CCDC88C: variants seen among roughly 807,000 people sequenced by gnomAD.
The protein encoded by CCDC88C is protein Daple.
In CCDC88C, 131 loss-of-function variants were observed where a neutral mutation model predicts 198.8. The observed-to-expected ratio is 0.66, with a 90% CI of 0.57 to 0.76. CCDC88C has a LOEUF of 0.76. Among genes scored for constraint, CCDC88C ranks in the 30% least tolerant of loss-of-function variants. CCDC88C has a pLI of 0.00. For synonymous variants in CCDC88C, 1,166 were observed against 1,114.7 expected (o/e 1.05, Z -0.92); for missense variants, 2,553 against 2,631.6 (o/e 0.97, Z 0.65).
At chr14:91,400,988 G>A (rs965312084) in intron 3 of CCDC88C, among the ~76,000 whole-genome samples, 2 of 151,790 alleles carry the variant, frequency 1.3e-5, no homozygotes, top group Non-Finnish European at 1.5e-5. Context: ...ACGATAAAAT[G>A]TTACACAGAC....
chr14:91,315,682 T>C lies in CCDC88C; in HGVS notation c.1633A>G (p.Met545Val). 1 of 1,613,936 alleles carries C rather than the reference T, an allele frequency of 6.2e-7. No homozygotes were observed. Among genetic ancestry groups the C allele is most frequent in the Middle Eastern group, 1.6e-4 (1 of 6,062 alleles). ...IREKEQLQSD[M>V]ETLKADKARQ... The stretch of plus-strand genomic sequence containing the variant: ...GCTTTGTCAGCCTTCAGGGTCTCCA[T>C]GTCACTCTGCAGCTGCTCCTTCTCT... Residue 545 changes from methionine (M) to valine (V), a missense_variant, in exon 14 of 30, where the codon ATG becomes GTG. By Grantham distance (21) the Met-to-Val change is conservative. This residue lies in a region of CCDC88C where 1,260 missense variants were observed against 1,412.0 expected (regional missense o/e 0.89). Coordinates refer to ENST00000389857, the MANE Select transcript of CCDC88C (RefSeq NM_001080414.4).
intron 4 of CCDC88C, among the ~76,000 whole-genome samples, chr14:91,355,136 T>G (rs1361144966): frequency 6.6e-6 from 1 of 151,454 alleles, no homozygotes; most frequent in Non-Finnish European, 1.5e-5. Flanking sequence ...GGGGCAGAGG[T>G]GAGGACACTG....
Position 91,293,480 on chromosome 14 carries a change from GCTCACCTTCCCATCCTCAC to G in CCDC88C, c.4112+674_4112+692del, listed in dbSNP as rs1250172566. Among the ~76,000 whole-genome samples, 31 of 109,000 alleles carry G rather than the reference GCTCACCTTCCCATCCTCAC, an allele frequency of 2.8e-4. 1 individual carries two copies. The highest frequency in any genetic ancestry group is 3.9e-4 in the Non-Finnish European group (20 of 50,946). The allele number at this position is 109,000 out of a possible 152,430, so 71.5% of individuals were successfully genotyped here. On this transcript the variant is annotated intron_variant, in intron 23 of 29. Transcript: ENST00000389857. ...CACCTTCCCATCCTCACCTGCCACAGCTCACCTTCCCATCCTCACCTGCCACGGCCTACCTTCCTGTCCC... is the reference window on the plus strand; with the variant it reads ...CACCTTCCCATCCTCACCTGCCACAGCTGCCACGGCCTACCTTCCTGTCCC...
chr14:91,350,661 A>G (rs1312297218), intron 4 of CCDC88C, among the ~76,000 whole-genome samples: 3 of 152,174 alleles, frequency 2.0e-5, no homozygotes, highest in African/African-American at 7.2e-5. Flanking sequence ...TCAGAGATAA[A>G]GCAGTGAAAC....
chr14:91,365,061 G>A (rs1023065679), intron 3 of CCDC88C, among the ~76,000 whole-genome samples: 1 of 152,126 alleles, frequency 6.6e-6, no homozygotes, highest in African/African-American at 2.4e-5. Context: ...CAAGACCAGC[G>A]TCCAGGCCAA....
rs1889813222 is a variant in CCDC88C, at chr14:91,273,162, G to C, written c.5550C>G (p.Pro1850=). 1.9e-6 allele frequency: 3 copies of C among 1,581,078 alleles called. No individual in the cohort carries two copies. The highest frequency in any genetic ancestry group is 1.7e-6 in the Non-Finnish European group (2 of 1,163,914). Residue 1850 remains proline, a synonymous_variant, in exon 30 of 30, where the codon CCC becomes CCG. Transcript: ENST00000389857. This position sits in a 1 kb window ranked among gnomAD's most constrained non-coding sequence, Gnocchi z 5.6. ...CCCGGGCCAGGCTATGGGAGCTGGG[G>C]GGTGCGGGGCTTTGCAGGGTGTGGC... The part of the protein sequence containing the change: ...TGSHTLQSPA[P]PSSHSLARER...
intron 10 of CCDC88C, among the ~76,000 whole-genome samples, chr14:91,329,074 C>T (rs1307967143): frequency 1.3e-5 from 2 of 151,876 alleles, no homozygotes; most frequent in Non-Finnish European, 2.9e-5. Flanking sequence ...GGCAGGCAGA[C>T]ATCCTACCCA....
chr14:91,296,629 C>T (rs889503520), intron 22 of CCDC88C, among the ~76,000 whole-genome samples: 2 of 152,232 alleles, frequency 1.3e-5, no homozygotes, highest in African/African-American at 4.8e-5. Flanking sequence ...GCCTCGGTTT[C>T]CTCATTTGTG....
At chr14:91,276,531 G>C (rs1174717090) in intron 29 of CCDC88C, among the ~76,000 whole-genome samples, 1 of 152,246 alleles carries the variant, frequency 6.6e-6, no homozygotes, top group Non-Finnish European at 1.5e-5. Flanking sequence ...TCCAAGAGCA[G>C]GCACCATGCA....
chr14:91,396,211 G>A (rs191958088), intron 3 of CCDC88C, among the ~76,000 whole-genome samples: 210 of 152,336 alleles, frequency 1.4e-3, no homozygotes, highest in African/African-American at 4.8e-3. Flanking sequence ...TCACGGAGAG[G>A]CAGAGCCTGC....
At chr14:91,333,232 T>G (rs990477733) in intron 10 of CCDC88C, among the ~76,000 whole-genome samples, 1 of 152,250 alleles carries the variant, frequency 6.6e-6, no homozygotes, top group African/African-American at 2.4e-5. Context: ...GCTAATGAAT[T>G]CTCTTCGAAA....
intron 3 of CCDC88C, among the ~76,000 whole-genome samples, chr14:91,385,405 A>G (rs1345296064): frequency 1.3e-5 from 2 of 151,820 alleles, no homozygotes; most frequent in African/African-American, 4.8e-5. Flanking sequence ...CCTGACGCAT[A>G]TTACGAAGGT....
At chr14:91,392,402 A>G in intron 3 of CCDC88C, among the ~76,000 whole-genome samples, 1 of 152,172 alleles carries the variant, frequency 6.6e-6, no homozygotes, top group Non-Finnish European at 1.5e-5. Flanking sequence ...AGAGCAGGGA[A>G]GGACACCTTA....
At chr14:91,327,089 G>A (rs942787270) in intron 10 of CCDC88C, among the ~76,000 whole-genome samples, 1 of 152,188 alleles carries the variant, frequency 6.6e-6, no homozygotes, top group Non-Finnish European at 1.5e-5. Flanking sequence ...TCGGTATCTG[G>A]CGGGGAACTG....
At chr14:91,345,194 T>A (rs868631170) in intron 4 of CCDC88C, among the ~76,000 whole-genome samples, 116 of 118,524 alleles carry the variant, frequency 9.8e-4, no homozygotes, top group South Asian at 1.7e-3. Flanking sequence ...ATATATATTT[T>A]TTTTTTTTTT....
chr14:91,413,749 G>T (rs1039983103), intron 2 of CCDC88C, among the ~76,000 whole-genome samples: 1 of 152,148 alleles, frequency 6.6e-6, no homozygotes, highest in Non-Finnish European at 1.5e-5. Context: ...TCCGGTTGCC[G>T]GAGACAATGG....
intron 3 of CCDC88C, among the ~76,000 whole-genome samples, chr14:91,361,913 C>T (rs867558984): frequency 5.3e-5 from 8 of 152,086 alleles, no homozygotes; most frequent in Non-Finnish European, 7.4e-5. Flanking sequence ...TGAGCCTGTC[C>T]GTCACACAGC....
intron 4 of CCDC88C, among the ~76,000 whole-genome samples, chr14:91,357,416 C>T (rs1381590482): frequency 6.6e-6 from 1 of 152,208 alleles, no homozygotes; most frequent in Non-Finnish European, 1.5e-5. Context: ...CCATGCCCGG[C>T]TAACTTTTTT....
chr14:91,321,082 T>C, intron 13 of CCDC88C, 38 bp downstream of exon 13: 2 of 1,561,290 alleles, frequency 1.3e-6, no homozygotes, highest in Non-Finnish European at 1.7e-6. Context: ...TGCCCAAGGG[T>C]TCTGTGCTTC....
Sources: gnomAD v4.1 joint callset for allele counts (sites outside exome capture counted in the v4.1 genomes callset) on GRCh38, gnomAD v4.1.1 for gene constraint, gnomAD v4.1.1 regional missense constraint, Gnocchi (gnomAD v3.1) non-coding constraint, MANE v1.5 for transcripts, NCBI Gene and HGNC (gene_info 2026-07-23, HGNC 2026-07-21) for gene names.